NEK10: variants seen among roughly 807,000 people sequenced by gnomAD.
NEK10 encodes serine/threonine-protein kinase Nek10.
NEK10 carries 122 observed loss-of-function variants against 159.8 expected under a neutral mutation model. The ratio of observed to expected loss-of-function variants is 0.76; its 90% confidence interval spans 0.66 to 0.89. The LOEUF is 0.89. NEK10 is among the 40% of genes least tolerant of loss of function. NEK10 has a pLI of 0.00. For synonymous variants in NEK10, 466 were observed against 457.1 expected (o/e 1.02, Z -0.25); for missense variants, 1,342 against 1,323.1 (o/e 1.01, Z -0.22).
Position 27,174,712 on chromosome 3 carries a change from T to G in NEK10, c.2627A>C (p.Glu876Ala). 6.2e-7 allele frequency: 1 copy of G among 1,613,616 alleles called. No homozygotes were observed. Among genetic ancestry groups the G allele is most frequent in the African/African-American group, 1.3e-5 (1 of 74,974 alleles). ...CAGGATTTCGTCACAGGCCCTGTCT[T>G]CGTCTTTACCATAGGAGGCCTGGAA... ...EGFQASYGKD[E>A]DRACDEILSD... The change falls in exon 27 of 36, where the codon GAA becomes GCA. Residue 876 changes from glutamate to alanine, a missense_variant. Coordinates refer to ENST00000691995, the MANE Select transcript of NEK10 (RefSeq NM_001394966.1).
intron 30 of NEK10, among the ~76,000 whole-genome samples, chr3:27,152,095 C>A (rs1002297950): frequency 6.6e-6 from 1 of 152,138 alleles, no homozygotes; most frequent in Non-Finnish European, 1.5e-5. Flanking sequence ...AGGAACAATT[C>A]CTAGCCTTGC....
At chr3:27,330,366 A>G (rs979347862) in intron 5 of NEK10, among the ~76,000 whole-genome samples, 1 of 152,132 alleles carries the variant, frequency 6.6e-6, no homozygotes. Context: ...TAAAAGAGAG[A>G]AAAAAAGACA....
chr3:27,137,835 C>T (rs1032860435), intron 31 of NEK10, among the ~76,000 whole-genome samples: 1 of 152,206 alleles, frequency 6.6e-6, no homozygotes, highest in African/African-American at 2.4e-5. Context: ...GGCTTAAAGA[C>T]TACCCAGGCT....
intron 32 of NEK10, among the ~76,000 whole-genome samples, chr3:27,123,568 A>G (rs535004665): frequency 6.6e-6 from 1 of 152,344 alleles, no homozygotes; most frequent in African/African-American, 2.4e-5. Flanking sequence ...CAAACAATGA[A>G]AAAACACATT....
intron 1 of NEK10, among the ~76,000 whole-genome samples, chr3:27,362,667 T>C (rs542617215): frequency 6.6e-6 from 1 of 151,824 alleles, no homozygotes; most frequent in South Asian, 2.1e-4. Flanking sequence ...TCATCCTGTC[T>C]CAAATAGTCC....
chr3:27,128,251 T>C (rs562840140), intron 32 of NEK10, among the ~76,000 whole-genome samples: 5 of 152,300 alleles, frequency 3.3e-5, no homozygotes, highest in Admixed American at 6.5e-5. Context: ...CTGAGGGCTG[T>C]AATTTGCTGA....
chr3:27,358,038 T>C (rs1217726566), intron 1 of NEK10, among the ~76,000 whole-genome samples: 1 of 152,268 alleles, frequency 6.6e-6, no homozygotes, highest in Non-Finnish European at 1.5e-5. Context: ...CTCTAACACT[T>C]ATTCTACCAA....
chr3:27,342,489 C>T (rs1026320424), intron 5 of NEK10, among the ~76,000 whole-genome samples: 3 of 152,188 alleles, frequency 2.0e-5, no homozygotes, highest in African/African-American at 7.2e-5. Flanking sequence ...TGATGTTCAA[C>T]ATTCCTGAAT....
intron 22 of NEK10, among the ~76,000 whole-genome samples, chr3:27,279,944 C>T (rs535790898): frequency 5.3e-5 from 8 of 152,014 alleles, no homozygotes; most frequent in South Asian, 2.1e-4. Flanking sequence ...CCGAGGCGGG[C>T]GGATCATGAG....
At chr3:27,277,196 G>A (rs1490631655) in intron 22 of NEK10, among the ~76,000 whole-genome samples, 1 of 152,006 alleles carries the variant, frequency 6.6e-6, no homozygotes, top group Non-Finnish European at 1.5e-5. Flanking sequence ...ACAAACATAT[G>A]GAGAAGTCAA....
Position 27,290,699 on chromosome 3 carries a change from T to C in NEK10, c.1661A>G (p.Asn554Ser). 2 of 1,608,382 alleles carry C rather than the reference T, an allele frequency of 1.2e-6. No individual in the cohort carries two copies. The highest frequency in any genetic ancestry group is 1.7e-6 in the Non-Finnish European group (2 of 1,175,518). The change falls in exon 19 of 36, where the codon AAC becomes AGC. Residue 554 changes from asparagine (N) to serine (S), a missense_variant. By Grantham distance (46) the Asn-to-Ser change is conservative. Coordinates refer to ENST00000691995, the MANE Select transcript of NEK10 (RefSeq NM_001394966.1). ...TTTCTTATCCTTTCCAAATGCTGGG[T>C]TATGTAAATTGACCTCTTTCATTGC... ...LLAMKEVNLH[N>S]PAFGKDKKDR... is the part of the protein sequence containing the mutation.
In NEK10 at chr3:27,155,761, C is replaced by T. The variant is rs149642940; in HGVS notation, c.2869+6940G>A. Among the ~76,000 whole-genome samples the T allele has an allele frequency of 4.3e-3, 650 of 151,938 alleles. 6 individuals are homozygous for T. Among genetic ancestry groups the T allele is most frequent in the African/African-American group, 0.014 (578 of 41,474 alleles). ...AATGCAATCCCCATCAAAATACCAC[C>T]ATCATTCTCACAGAATTAGAAAAAA... On this transcript the variant is annotated intron_variant, in intron 30 of 35. Coordinates refer to ENST00000691995, the MANE Select transcript of NEK10 (RefSeq NM_001394966.1).
rs753090948 is a variant in NEK10, at chr3:27,291,543, G to C, written c.1417C>G (p.His473Asp). 6.2e-7 allele frequency: 1 copy of C among 1,610,040 alleles called. No homozygotes were observed. The highest frequency in any genetic ancestry group is 8.5e-7 in the Non-Finnish European group (1 of 1,176,330). ...DLFEIFIDIG[H>D]YVRDISAYEE... ...TAAGCACTGATATCACGTACATAAT[G>C]CCCTATGTCAATGAAGATCTCAAAC... is the stretch of plus-strand genomic sequence containing the variant. Residue 473 changes from histidine to aspartate, a missense_variant, in exon 17 of 36, where the codon CAT (histidine) becomes GAT (aspartate). Transcript: ENST00000691995.
At chr3:27,303,293 C>A (rs2043976096) in intron 12 of NEK10, among the ~76,000 whole-genome samples, 1 of 152,040 alleles carries the variant, frequency 6.6e-6, no homozygotes, top group Non-Finnish European at 1.5e-5. Flanking sequence ...AGATTCAATT[C>A]TATATGAGAA....
chr3:27,235,258 G>T (rs1388368772), intron 23 of NEK10, among the ~76,000 whole-genome samples: 1 of 152,080 alleles, frequency 6.6e-6, no homozygotes, highest in Non-Finnish European at 1.5e-5. Flanking sequence ...AGCAAAAATT[G>T]ACAAATCAAA....
intron 23 of NEK10, among the ~76,000 whole-genome samples, chr3:27,240,166 CCCAGTGATTACACT>C (rs1179215162): frequency 1.3e-5 from 2 of 152,140 alleles, no homozygotes; most frequent in Non-Finnish European, 2.9e-5. Flanking sequence ...ATTATGTTCA[CCCAGTGATTACACT>C]CCAGTCATCA....
intron 23 of NEK10, among the ~76,000 whole-genome samples, chr3:27,222,843 A>T (rs1345183690): frequency 6.6e-6 from 1 of 152,128 alleles, no homozygotes; most frequent in Non-Finnish European, 1.5e-5. Context: ...ACCAAAATTT[A>T]AAAGCTGAAA....
intron 22 of NEK10, among the ~76,000 whole-genome samples, chr3:27,274,195 G>A (rs149364680): frequency 2.6e-5 from 4 of 152,224 alleles, no homozygotes; most frequent in Non-Finnish European, 4.4e-5. Context: ...ACTCCACCAG[G>A]GATGAGGGAG....
Position 27,111,179 on chromosome 3 carries a change from C to A in NEK10, c.*93G>T. On this transcript the variant is annotated 3_prime_UTR_variant, in exon 36 of 36. Transcript: ENST00000691995. ...TCTTGGTCTTTTCCACACCCTCTAG[C>A]AGCACCCAATCCTTGGGCATCTTGC... 1 of 1,227,346 alleles carries A rather than the reference C, an allele frequency of 8.1e-7. No homozygotes were observed. The highest frequency in any genetic ancestry group is 1.2e-6 in the Non-Finnish European group (1 of 841,506). The allele number at this position is 1,227,346 out of a possible 1,614,324, so 76.0% of individuals were successfully genotyped here. A position where few individuals can be genotyped will look rare whatever the true frequency, so the allele number is the denominator to read the frequency against.
Sources: allele counts gnomAD v4.1 joint callset (sites outside exome capture counted in the v4.1 genomes callset), GRCh38; gene constraint gnomAD v4.1.1; transcripts MANE v1.5; gene names NCBI Gene and HGNC (gene_info 2026-07-23, HGNC 2026-07-21).